Variants in WDR93 observed in about 807,000 individuals in gnomAD.
The protein encoded by WDR93 is WD repeat domain 93.
WDR93 carries 73 observed loss-of-function variants against 82.9 expected under a neutral mutation model. The observed-to-expected ratio is 0.88, with a 90% CI of 0.73 to 1.07. The LOEUF (loss-of-function observed/expected upper bound fraction) is 1.07. Ranked by LOEUF, WDR93 falls within the 50% of genes least tolerant of loss-of-function variation. The probability of loss-of-function intolerance (pLI) is 0.00; values close to 1 mark genes in which losing one functional copy is unlikely to be tolerated. For missense variants in WDR93, 738 were observed against 826.0 expected (o/e 0.89, Z 1.31); for synonymous variants, 283 against 300.1 (o/e 0.94, Z 0.59).
chr15:89,709,620 C>G (rs1170318984), intron 4 of WDR93, among the ~76,000 whole-genome samples: 1 of 151,790 alleles, frequency 6.6e-6, no homozygotes, highest in Admixed American at 6.6e-5. Context: ...AAGACTTAAA[C>G]TGACATTTAC....
intron 13 of WDR93, among the ~76,000 whole-genome samples, chr15:89,734,264 C>T (rs907258637): frequency 5.9e-5 from 9 of 152,210 alleles, no homozygotes; most frequent in Non-Finnish European, 1.3e-4. Flanking sequence ...GCAATTTGGA[C>T]TGGACTCAGT....
chr15:89,726,685 A>T lies in WDR93; in HGVS notation c.881-472A>T, dbSNP rs142701744. ...GACTGACAGAGAAAGATTTTTTTAAAGGAAGGTAATTGGGTAAATGTTGGC... is the reference window on the plus strand; with the variant it reads ...GACTGACAGAGAAAGATTTTTTTAATGGAAGGTAATTGGGTAAATGTTGGC... On this transcript the variant is annotated intron_variant, in intron 8 of 16. Transcript: ENST00000268130. Among the ~76,000 whole-genome samples the T allele has an allele frequency of 3.0e-3, 462 of 152,296 alleles. 1 individual carries two copies. Among genetic ancestry groups the T allele is most frequent in the Middle Eastern group, 3.4e-3 (1 of 294 alleles).
At position 89,743,356 on chromosome 15, in the gene WDR93, T is replaced by A. The variant is rs1339393394; in HGVS notation, c.2026T>A (p.Ser676Thr). 1.2e-6 allele frequency: 2 copies of A among 1,614,002 alleles called. No individual in the cohort carries two copies. The highest frequency in any genetic ancestry group is 2.7e-5 in the African/African-American group (2 of 74,912). Reference sequence around the variant, plus strand: ...GCACTGGGCCCGGCTTCAGAGGTACTCCTTGTCGCTCCAGAGAGAGAACTT... The same window carrying A: ...GCACTGGGCCCGGCTTCAGAGGTACACCTTGTCGCTCCAGAGAGAGAACTT... ...EEHWARLQRY[S>T]LSLQRENFKK The change falls in exon 17 of 17, where the codon TCC becomes ACC. Residue 676 changes from serine (S) to threonine (T), a missense_variant. Physicochemically the swap from Ser to Thr is moderately conservative, Grantham distance 58 (BLOSUM62 1). Coordinates refer to ENST00000268130, the MANE Select transcript of WDR93 (RefSeq NM_020212.2).
At chr15:89,727,425 G>C in intron 9 of WDR93, 97 bp downstream of exon 9, 1 of 1,377,976 alleles carries the variant, frequency 7.3e-7, no homozygotes, top group Non-Finnish European at 9.9e-7. Flanking sequence ...ATTAATCTGA[G>C]ATTTAAAAGC....
Position 89,738,216 on chromosome 15 carries a change from T to C in WDR93, c.1941T>C (p.Cys647=). ...AAGCACTGCCACTGGAGAAGAGATGTGAGCGTTTCCTCCAGAAGAGGTAAA... is the reference window on the plus strand; with the variant it reads ...AAGCACTGCCACTGGAGAAGAGATGCGAGCGTTTCCTCCAGAAGAGGTAAA... The part of the protein sequence containing the change: ...FPQALPLEKR[C]ERFLQKSYRK... Residue 647 remains cysteine, a synonymous_variant, in exon 16 of 17, where the codon TGT becomes TGC. Coordinates refer to ENST00000268130, the MANE Select transcript of WDR93 (RefSeq NM_020212.2). 1.2e-6 allele frequency: 2 copies of C among 1,611,532 alleles called. No homozygotes were observed. The highest frequency in any genetic ancestry group is 1.7e-6 in the Non-Finnish European group (2 of 1,179,000).
At chr15:89,719,454 C>T (rs1028545393) in intron 7 of WDR93, among the ~76,000 whole-genome samples, 2 of 152,182 alleles carry the variant, frequency 1.3e-5, no homozygotes, top group African/African-American at 4.8e-5. Flanking sequence ...TTGTGTCTTT[C>T]GAGTAATTTG....
chr15:89,734,772 C>A (rs1462758458), intron 13 of WDR93, among the ~76,000 whole-genome samples: 1 of 152,012 alleles, frequency 6.6e-6, no homozygotes, highest in East Asian at 1.9e-4. Context: ...ACCACTTGAG[C>A]TCAGGAGTTC....
chr15:89,737,799 A>G, intron 15 of WDR93, 70 bp downstream of exon 15: 3 of 1,591,046 alleles, frequency 1.9e-6, no homozygotes, highest in Non-Finnish European at 1.7e-6. Flanking sequence ...AAACAGAGAG[A>G]GCCCCTCCGA....
At chr15:89,710,606 GA>G (rs906026581) in intron 4 of WDR93, among the ~76,000 whole-genome samples, 13 of 147,300 alleles carry the variant, frequency 8.8e-5, no homozygotes, top group Admixed American at 2.7e-4. Context: ...ACTCTCCTAA[GA>G]AAAAAAAAAT....
At chr15:89,706,352 G>A (rs1229939398) in intron 4 of WDR93, among the ~76,000 whole-genome samples, 1 of 150,862 alleles carries the variant, frequency 6.6e-6, no homozygotes, top group East Asian at 1.9e-4. Context: ...ACAGGGTCTT[G>A]CCATGTTGTT....
rs115395498 is a variant in WDR93, at chr15:89,723,656, A to C, written c.880+1517A>C. ...TAGCAGATAGAAAAATAGAGGAAAA[A>C]TAGGTGAATGAAGCAGGATACAGAG... On this transcript the variant is annotated intron_variant, in intron 8 of 16. Coordinates refer to ENST00000268130, the MANE Select transcript of WDR93 (RefSeq NM_020212.2). 4.7e-3 allele frequency among the ~76,000 whole-genome samples: 716 copies of C among 152,326 alleles called. 3 individuals carry two copies. Among genetic ancestry groups the C allele is most frequent in the African/African-American group, 0.017 (691 of 41,548 alleles).
intron 16 of WDR93, among the ~76,000 whole-genome samples, chr15:89,740,775 T>C (rs1308657142): frequency 6.6e-6 from 1 of 152,180 alleles, no homozygotes; most frequent in African/African-American, 2.4e-5. Flanking sequence ...GTGGTGGGAT[T>C]ACAGACATGA....
intron 14 of WDR93, among the ~76,000 whole-genome samples, chr15:89,736,285 C>T (rs890257875): frequency 6.6e-6 from 1 of 152,166 alleles, no homozygotes; most frequent in Non-Finnish European, 1.5e-5. Context: ...CCTTACAGGG[C>T]CCACTTCAGG....
intron 5 of WDR93, among the ~76,000 whole-genome samples, chr15:89,713,010 G>C (rs190108228): frequency 1.3e-5 from 2 of 151,740 alleles, no homozygotes; most frequent in Admixed American, 1.3e-4. Context: ...TGTAATCCCA[G>C]ATACTGGGGA....
chr15:89,726,965 G>C (rs1210904296), intron 8 of WDR93, among the ~76,000 whole-genome samples, 192 bp from the exon 9 acceptor site: 1 of 152,228 alleles, frequency 6.6e-6, no homozygotes, highest in Admixed American at 6.5e-5. Context: ...GCTGCTCTCT[G>C]CCTGGGCTCT....
intron 11 of WDR93, among the ~76,000 whole-genome samples, chr15:89,731,003 AAGG>A (rs1473103146): frequency 2.0e-5 from 3 of 152,190 alleles, no homozygotes; most frequent in African/African-American, 4.8e-5. Flanking sequence ...AAAATTCACA[AAGG>A]AGGAGTTTCT....
At chr15:89,718,704 T>C (rs1327532129) in intron 7 of WDR93, among the ~76,000 whole-genome samples, 1 of 152,176 alleles carries the variant, frequency 6.6e-6, no homozygotes, top group Non-Finnish European at 1.5e-5. Context: ...CTTGGAAAAG[T>C]CAAGGAATTC....
intron 14 of WDR93, among the ~76,000 whole-genome samples, chr15:89,736,793 CTTT>C (rs536745344): frequency 3.1e-5 from 4 of 130,522 alleles, no homozygotes; most frequent in Non-Finnish European, 6.6e-5. Context: ...TCAAAGGGGG[CTTT>C]TTTTTTTTTT....
chr15:89,716,824 G>A, intron 6 of WDR93, 87 bp from the exon 7 acceptor site: 1 of 925,580 alleles, frequency 1.1e-6, no homozygotes, highest in Non-Finnish European at 1.7e-6. Flanking sequence ...AGTAATTGAG[G>A]GGAAGAGAGA....
Sources: allele counts gnomAD v4.1 joint callset (sites outside exome capture counted in the v4.1 genomes callset), GRCh38; gene constraint gnomAD v4.1.1; transcripts MANE v1.5; gene names NCBI Gene and HGNC (gene_info 2026-07-23, HGNC 2026-07-21).